The following MRTFA variants were observed in gnomAD, a reference collection of about 807,000 sequenced individuals.
The protein encoded by MRTFA is myocardin-related transcription factor A.
Under a neutral mutation model 83.5 loss-of-function variants are expected in MRTFA, and 20 were observed. That is an observed-to-expected ratio of 0.24 (90% CI 0.17 to 0.35). The LOEUF (loss-of-function observed/expected upper bound fraction) is 0.35, where lower values mean the gene tolerates loss of function less well. Among genes scored for constraint, MRTFA ranks in the 10% least tolerant of loss-of-function variants. The pLI, the probability that MRTFA is intolerant of heterozygous loss-of-function variation, is 1.00. For missense variants in MRTFA, 1,200 were observed against 1,224.7 expected (o/e 0.98, Z 0.30); for synonymous variants, 659 against 541.2 (o/e 1.22, Z -3.02).
chr22:40,497,818 C>A (rs1427300809), intron 3 of MRTFA, among the ~76,000 whole-genome samples: 1 of 151,418 alleles, frequency 6.6e-6, no homozygotes, highest in Non-Finnish European at 1.5e-5. Context: ...ATGCCATAAA[C>A]AAACCTGATA....
chr22:40,473,700 G>A (rs996960594), intron 3 of MRTFA, among the ~76,000 whole-genome samples: 2 of 152,188 alleles, frequency 1.3e-5, no homozygotes, highest in South Asian at 4.1e-4. Flanking sequence ...TTGGGTGCTA[G>A]CCTTAAGTGA....
chr22:40,441,648 G>C (rs570582150), intron 4 of MRTFA, among the ~76,000 whole-genome samples: 1 of 152,014 alleles, frequency 6.6e-6, no homozygotes, highest in African/African-American at 2.4e-5. Flanking sequence ...TTAGCTGGGC[G>C]TGGTGGTGCG....
chr22:40,549,885 C>A (rs1872640943), intron 3 of MRTFA, among the ~76,000 whole-genome samples: 1 of 151,952 alleles, frequency 6.6e-6, no homozygotes, highest in East Asian at 1.9e-4. Flanking sequence ...AACCCTGTCA[C>A]TAAAAATACA....
intron 1 of MRTFA, among the ~76,000 whole-genome samples, chr22:40,620,172 C>G (rs368138105): frequency 6.7e-6 from 1 of 148,504 alleles, no homozygotes; most frequent in African/African-American, 2.5e-5. Flanking sequence ...GTTGTCCATG[C>G]TGGAGTGCAA....
chr22:40,502,510 G>A (rs2054509211), intron 3 of MRTFA, among the ~76,000 whole-genome samples: 1 of 142,720 alleles, frequency 7.0e-6, no homozygotes, highest in African/African-American at 2.6e-5. Context: ...GATGGCGGCT[G>A]CGCTCCTCAC....
intron 4 of MRTFA, among the ~76,000 whole-genome samples, chr22:40,447,660 T>C (rs1015064657): frequency 8.5e-5 from 13 of 152,292 alleles, no homozygotes; most frequent in African/African-American, 2.9e-4. Flanking sequence ...GTAACATAAA[T>C]AAACAGGTTT....
rs753496354 is a variant in MRTFA at position 40,420,539 on chromosome 22, G to T, written c.1219C>A (p.Pro407Thr). The change falls in exon 11 of 15, where the codon CCA (proline) becomes ACA (threonine). Residue 407 changes from proline (P) to threonine (T), a missense_variant. Transcript: ENST00000355630. ...TTGGTAGTGGAGAGGCTGCGTACTGGGGGGGTCCCGCTGCTTCCCAGGGCC... is the reference window on the plus strand; with the variant it reads ...TTGGTAGTGGAGAGGCTGCGTACTGTGGGGGTCCCGCTGCTTCCCAGGGCC... The T allele has an allele frequency of 6.8e-6, 11 of 1,613,536 alleles. No individual in the cohort carries two copies. Among genetic ancestry groups the T allele is most frequent in the East Asian group, 2.2e-5 (1 of 44,904 alleles).
intron 7 of MRTFA, among the ~76,000 whole-genome samples, chr22:40,426,777 C>T (rs113741410): frequency 5.4e-4 from 83 of 152,330 alleles, no homozygotes; most frequent in Non-Finnish European, 9.8e-4. Flanking sequence ...CTGACACACA[C>T]ATATCCATTG....
intron 4 of MRTFA, among the ~76,000 whole-genome samples, chr22:40,457,450 G>GAAAGAAAGA (rs2053608731): frequency 1.5e-5 from 2 of 133,024 alleles, no homozygotes; most frequent in Admixed American, 7.2e-5. Flanking sequence ...AAGAAAGAAA[G>GAAAGAAAGA]AAAGAAAGAA....
At chr22:40,440,487 T>C (rs1268631180) in intron 4 of MRTFA, among the ~76,000 whole-genome samples, 1 of 152,208 alleles carries the variant, frequency 6.6e-6, no homozygotes, top group East Asian at 1.9e-4. Context: ...AATTCTTCTC[T>C]CTGATAGCAG....
chr22:40,491,326 G>T (rs1455521314), intron 3 of MRTFA, among the ~76,000 whole-genome samples: 2 of 152,008 alleles, frequency 1.3e-5, no homozygotes, highest in Non-Finnish European at 1.5e-5. Flanking sequence ...TGGGCCACAG[G>T]AGTGAAAACC....
chr22:40,525,998 C>T (rs187386080), intron 3 of MRTFA, among the ~76,000 whole-genome samples: 2 of 151,406 alleles, frequency 1.3e-5, no homozygotes, highest in African/African-American at 2.4e-5. Context: ...TCAGGGAGTG[C>T]GCCTAACTAA....
intron 4 of MRTFA, among the ~76,000 whole-genome samples, chr22:40,437,947 C>T (rs535648957): frequency 3.0e-4 from 46 of 152,274 alleles, no homozygotes; most frequent in African/African-American, 8.7e-4. Flanking sequence ...TAATTATTCA[C>T]TCGATGAATT....
chr22:40,463,935 T>C (rs2053764037), intron 3 of MRTFA, among the ~76,000 whole-genome samples: 1 of 152,126 alleles, frequency 6.6e-6, no homozygotes, highest in Non-Finnish European at 1.5e-5. Context: ...GACTGATGGG[T>C]GTTTCTCTTA....
chr22:40,562,054 A>C (rs2055626052), intron 2 of MRTFA, among the ~76,000 whole-genome samples: 1 of 152,046 alleles, frequency 6.6e-6, no homozygotes, highest in South Asian at 2.1e-4. Flanking sequence ...AACTCTACAA[A>C]AAATACAAAA....
chr22:40,636,213 G>A (rs1275999800), intron 1 of MRTFA, among the ~76,000 whole-genome samples: 1 of 152,176 alleles, frequency 6.6e-6, no homozygotes, highest in East Asian at 1.9e-4. Flanking sequence ...GCGCAGCACA[G>A]CCCTGCCAGG....
chr22:40,424,046 A>C (rs1602220232), intron 8 of MRTFA, among the ~76,000 whole-genome samples, 160 bp downstream of exon 8: 1 of 152,146 alleles, frequency 6.6e-6, no homozygotes, highest in Non-Finnish European at 1.5e-5. Context: ...ATCTCCCACC[A>C]CCGGGGAGCT....
intron 1 of MRTFA, among the ~76,000 whole-genome samples, chr22:40,614,126 T>G (rs2056420232): frequency 6.7e-6 from 1 of 150,236 alleles, no homozygotes; most frequent in Non-Finnish European, 1.5e-5. Flanking sequence ...CACTAGAATC[T>G]AGGCGGCAGA....
intron 3 of MRTFA, among the ~76,000 whole-genome samples, chr22:40,511,642 T>G (rs2147242691): frequency 6.6e-6 from 1 of 152,278 alleles, no homozygotes; most frequent in South Asian, 2.1e-4. Context: ...AATCAGATCC[T>G]CCTATGTAGA....
Sources: gnomAD v4.1 joint callset for allele counts (sites outside exome capture counted in the v4.1 genomes callset) on GRCh38, gnomAD v4.1.1 for gene constraint, MANE v1.5 for transcripts, NCBI Gene and HGNC (gene_info 2026-07-23, HGNC 2026-07-21) for gene names.